The following AGBL4 variants were observed in gnomAD, a reference collection of about 807,000 sequenced individuals.
AGBL4 encodes the protein cytosolic carboxypeptidase 6.
In AGBL4, 58 loss-of-function variants were observed where a neutral mutation model predicts 66.4. That is an observed-to-expected ratio of 0.87 (90% confidence interval 0.71 to 1.09). The LOEUF is 1.09. Ranked by LOEUF, AGBL4 falls within the 50% of genes least tolerant of loss-of-function variation. The pLI, the probability that AGBL4 is intolerant of heterozygous loss-of-function variation, is 0.00. For missense variants in AGBL4, 579 were observed against 631.0 expected (o/e 0.92, Z 0.88); for synonymous variants, 234 against 222.9 (o/e 1.05, Z -0.44).
intron 6 of AGBL4, among the ~76,000 whole-genome samples, chr1:48,838,082 T>C (rs1377312037): frequency 2.0e-5 from 3 of 151,966 alleles, no homozygotes; most frequent in Middle Eastern, 3.4e-3. Flanking sequence ...AAGAGAAACA[T>C]GGCACTGCAG....
In AGBL4 at chr1:49,989,420, A is replaced by G. The variant is rs141415010; in HGVS notation, c.34+34343T>C. On this transcript the variant is annotated intron_variant, in intron 1 of 13. Transcript: ENST00000371839. The stretch of plus-strand genomic sequence containing the variant: ...GACAAGTACAGCAGAGACATGGTAC[A>G]TAGATAAGTAGCTTTCACAGCTTAA... Among the ~76,000 whole-genome samples, 3 of 152,316 alleles carry G rather than the reference A, an allele frequency of 2.0e-5. No homozygotes were observed. In the East Asian group the frequency reaches 5.8e-4, roughly 29 times the overall value.
intron 1 of AGBL4, among the ~76,000 whole-genome samples, chr1:49,951,080 G>C (rs1256872725): frequency 1.3e-5 from 2 of 151,648 alleles, no homozygotes; most frequent in Non-Finnish European, 1.5e-5. Flanking sequence ...GGATGGGGGG[G>C]ATAGAGGGGA....
At chr1:49,837,954 C>T (rs1046839445) in intron 2 of AGBL4, among the ~76,000 whole-genome samples, 3 of 152,174 alleles carry the variant, frequency 2.0e-5, no homozygotes, top group Admixed American at 6.5e-5. Flanking sequence ...TCCAACCCCA[C>T]CATTTATAGT....
intron 6 of AGBL4, among the ~76,000 whole-genome samples, chr1:48,697,987 A>C (rs1490405825): frequency 6.6e-6 from 1 of 152,220 alleles, no homozygotes; most frequent in Non-Finnish European, 1.5e-5. Context: ...ACCAAACCCC[A>C]AGGCCAGTTA....
chr1:49,567,097 A>T (rs1239751036), intron 3 of AGBL4, among the ~76,000 whole-genome samples: 1 of 152,220 alleles, frequency 6.6e-6, no homozygotes, highest in African/African-American at 2.4e-5. Flanking sequence ...GGACCCTCCA[A>T]GCCAGATGCA....
At chr1:49,076,204 G>C (rs770395349) in intron 4 of AGBL4, among the ~76,000 whole-genome samples, 3 of 152,116 alleles carry the variant, frequency 2.0e-5, no homozygotes, top group Non-Finnish European at 2.9e-5. Flanking sequence ...ATCTGTAGGG[G>C]ATATGTTCCA....
intron 4 of AGBL4, among the ~76,000 whole-genome samples, chr1:49,243,773 G>A (rs1651421196): frequency 6.6e-6 from 1 of 151,738 alleles, no homozygotes; most frequent in Non-Finnish European, 1.5e-5. Flanking sequence ...TTGTATCCAA[G>A]TTCTGGGGAT....
chr1:48,728,591 T>C (rs2148546785), intron 6 of AGBL4, among the ~76,000 whole-genome samples: 1 of 152,262 alleles, frequency 6.6e-6, no homozygotes, highest in Non-Finnish European at 1.5e-5. Context: ...TGTATGGCTC[T>C]ATCACAATTT....
At chr1:49,496,588 T>C (rs566313329) in intron 3 of AGBL4, among the ~76,000 whole-genome samples, 1 of 150,772 alleles carries the variant, frequency 6.6e-6, no homozygotes. Flanking sequence ...GAGTTGAATT[T>C]TTTTTAGATT....
intron 6 of AGBL4, chr1:48,742,535 G>A (rs1650075367): frequency 7.7e-7 from 1 of 1,294,392 alleles, no homozygotes; most frequent in African/African-American, 1.5e-5. Flanking sequence ...CAGTCAAGCT[G>A]CGATTTGGAA....
chr1:49,120,137 C>A (rs1645621671), intron 4 of AGBL4, among the ~76,000 whole-genome samples: 1 of 152,134 alleles, frequency 6.6e-6, no homozygotes, highest in African/African-American at 2.4e-5. Flanking sequence ...ATCCAATTTG[C>A]CAGTCTGTGT....
chr1:49,521,097 C>A (rs1240250528), intron 3 of AGBL4, among the ~76,000 whole-genome samples: 1 of 152,050 alleles, frequency 6.6e-6, no homozygotes, highest in African/African-American at 2.4e-5. Context: ...GCATGAGCCA[C>A]TATGCCTCAC....
At chr1:49,686,062 G>A (rs545725266) in intron 3 of AGBL4, among the ~76,000 whole-genome samples, 1 of 152,052 alleles carries the variant, frequency 6.6e-6, no homozygotes, top group Non-Finnish European at 1.5e-5. Context: ...TCTATTTTGA[G>A]TTGATTTTTA....
At chr1:49,260,106 C>T (rs1652975278) in intron 3 of AGBL4, among the ~76,000 whole-genome samples, 1 of 149,546 alleles carries the variant, frequency 6.7e-6, no homozygotes, top group Non-Finnish European at 1.5e-5. Flanking sequence ...TCTTTGAAAC[C>T]AACGAGAACA....
chr1:49,267,635 A>G (rs535560901), intron 3 of AGBL4, among the ~76,000 whole-genome samples: 3 of 152,088 alleles, frequency 2.0e-5, no homozygotes, highest in Non-Finnish European at 4.4e-5. Flanking sequence ...AGCTGAGATC[A>G]CACCACTGCA....
chr1:50,004,271 A>G (rs1483484151), intron 1 of AGBL4, among the ~76,000 whole-genome samples: 1 of 152,184 alleles, frequency 6.6e-6, no homozygotes, highest in Non-Finnish European at 1.5e-5. Context: ...GTAATTACCC[A>G]TCCCAGTGGT....
At chr1:49,354,718 T>C (rs1195640392) in intron 3 of AGBL4, among the ~76,000 whole-genome samples, 1 of 152,194 alleles carries the variant, frequency 6.6e-6, no homozygotes, top group African/African-American at 2.4e-5. Flanking sequence ...TTGATATAAA[T>C]AAGAGTTAAA....
chr1:48,566,293 G>T (rs1557791149), intron 11 of AGBL4, among the ~76,000 whole-genome samples: 1 of 152,062 alleles, frequency 6.6e-6, no homozygotes. Context: ...TCCCTGTTTT[G>T]TAAGTTCCTT....
chr1:49,100,779 A>G (rs1645186678), intron 4 of AGBL4, among the ~76,000 whole-genome samples: 1 of 152,174 alleles, frequency 6.6e-6, no homozygotes, highest in Admixed American at 6.5e-5. Context: ...ACACCAAGGA[A>G]TTGGGAAAGA....
Sources: allele counts gnomAD v4.1 joint callset (sites outside exome capture counted in the v4.1 genomes callset), GRCh38; gene constraint gnomAD v4.1.1; transcripts MANE v1.5; gene names NCBI Gene and HGNC (gene_info 2026-07-23, HGNC 2026-07-21).